CCNY: variants seen among roughly 807,000 people sequenced by gnomAD.
CCNY encodes cyclin-Y.
Under a neutral mutation model 42.8 loss-of-function variants are expected in CCNY, and 19 were observed. That is an observed-to-expected ratio of 0.44 (90% CI 0.31 to 0.65). CCNY has a LOEUF of 0.65. Among genes scored for constraint, CCNY ranks in the 30% least tolerant of loss-of-function variants. CCNY has a pLI of 0.07. For missense variants in CCNY, 370 were observed against 437.3 expected, an observed-to-expected ratio of 0.85 and a Z score of 1.37; for synonymous variants, 165 against 162.7, an observed-to-expected ratio of 1.01 and a Z score of -0.11.
chr10:35,396,530 C>A (rs572376998), intron 1 of CCNY, among the ~76,000 whole-genome samples: 1 of 152,212 alleles, frequency 6.6e-6, no homozygotes, highest in Non-Finnish European at 1.5e-5. Context: ...CAGGGTGCCC[C>A]GATGTTCTCA....
At chr10:35,431,550 A>G (rs1451675726) in intron 1 of CCNY, among the ~76,000 whole-genome samples, 2 of 149,724 alleles carry the variant, frequency 1.3e-5, no homozygotes, top group African/African-American at 2.5e-5. Flanking sequence ...ACAGTCTGTC[A>G]TTGCTCTAAC....
At chr10:35,443,418 G>C (rs1259822624) in intron 1 of CCNY, among the ~76,000 whole-genome samples, 1 of 151,934 alleles carries the variant, frequency 6.6e-6, no homozygotes, top group African/African-American at 2.4e-5. Flanking sequence ...CTGTTTTCTG[G>C]TTTAAAATTT....
intron 3 of CCNY, among the ~76,000 whole-genome samples, chr10:35,508,147 G>A (rs530134150): frequency 6.6e-6 from 1 of 152,092 alleles, no homozygotes; most frequent in Admixed American, 6.5e-5. Context: ...ATTATTTTTG[G>A]TTACAAAATG....
At position 35,457,438 on chromosome 10, in the gene CCNY, C is replaced by T. The variant is rs542506149; in HGVS notation, c.155-25966C>T. ...ATGGGCAGAACTCAGCCCAGGGAGG[C>T]CTTGCCCCTCCGTGTTTCCTGTGTC... On this transcript the variant is annotated intron_variant, in intron 1 of 9. Coordinates refer to ENST00000374704, the MANE Select transcript of CCNY (RefSeq NM_145012.6). Among the ~76,000 whole-genome samples, 161 of 152,302 alleles carry T rather than the reference C, an allele frequency of 1.1e-3. 2 individuals are homozygous for T. Among genetic ancestry groups the T allele is most frequent in the Non-Finnish European group, 1.5e-3 (103 of 68,024 alleles).
intron 1 of CCNY, among the ~76,000 whole-genome samples, chr10:35,423,890 G>C (rs956736612): frequency 3.3e-5 from 5 of 152,316 alleles, no homozygotes; most frequent in Middle Eastern, 3.4e-3. Flanking sequence ...GAAGATAGGG[G>C]TTAGAGAAGA....
intron 1 of CCNY, among the ~76,000 whole-genome samples, chr10:35,385,010 A>G (rs1457554912): frequency 1.3e-5 from 2 of 152,182 alleles, no homozygotes; most frequent in Non-Finnish European, 2.9e-5. Context: ...AGGAACTCAG[A>G]TTAATGCACA....
chr10:35,276,055 C>T (rs796437971), intron 3 of CCNY, among the ~76,000 whole-genome samples: 7 of 152,360 alleles, frequency 4.6e-5, no homozygotes, highest in African/African-American at 1.7e-4. Context: ...CTGCTAAATA[C>T]ATTTGTCATG....
chr10:35,340,003 T>C (rs1352904176), intron 1 of CCNY, among the ~76,000 whole-genome samples: 3 of 152,202 alleles, frequency 2.0e-5, no homozygotes, highest in Non-Finnish European at 4.4e-5. Flanking sequence ...AAAATGATAG[T>C]AATAATTGCA....
chr10:35,254,197 G>A (rs967645811), intron 3 of CCNY, among the ~76,000 whole-genome samples: 2 of 151,986 alleles, frequency 1.3e-5, no homozygotes, highest in East Asian at 1.9e-4. Context: ...GTTTTTTACC[G>A]AAAAGTGAAT....
chr10:35,528,718 C>T (rs1464759892), intron 5 of CCNY, among the ~76,000 whole-genome samples: 2 of 152,072 alleles, frequency 1.3e-5, no homozygotes, highest in South Asian at 2.1e-4. Context: ...AGCAAGACTC[C>T]GTCTCAAAAA....
At chr10:35,519,221 T>A (rs1034155580) in intron 4 of CCNY, among the ~76,000 whole-genome samples, 10 of 152,072 alleles carry the variant, frequency 6.6e-5, no homozygotes, top group Non-Finnish European at 1.5e-4. Flanking sequence ...TGTGGGTATT[T>A]GGATTTGTAA....
chr10:35,436,585 G>A (rs1377933948), intron 1 of CCNY, among the ~76,000 whole-genome samples: 4 of 152,170 alleles, frequency 2.6e-5, no homozygotes, highest in Non-Finnish European at 4.4e-5. Context: ...GAGCTTCGTG[G>A]AAGGACACTG....
chr10:35,343,603 C>T (rs746420162), intron 1 of CCNY, among the ~76,000 whole-genome samples: 1 of 151,874 alleles, frequency 6.6e-6, no homozygotes, highest in Admixed American at 6.6e-5. Context: ...TTGGCCAGGC[C>T]GATCTCAAAC....
Position 35,266,702 on chromosome 10 carries a change from C to T in CCNY, c.-9+16076C>T, listed in dbSNP as rs967047515. Among the ~76,000 whole-genome samples the T allele has an allele frequency of 2.6e-5, 4 of 152,176 alleles. No homozygotes were observed. The South Asian group carries it at 6.2e-4, about 24-fold the overall frequency. On this transcript the variant is annotated intron_variant, in intron 3 of 11. Transcript: ENST00000374706. ...TAGCATCAGGAAGGGTGTCATTAAGCGTTCTTATTTTTTACTTGTATAGAT... is the reference window on the plus strand; with the variant it reads ...TAGCATCAGGAAGGGTGTCATTAAGTGTTCTTATTTTTTACTTGTATAGAT...
At chr10:35,472,545 T>C (rs145651149) in intron 1 of CCNY, among the ~76,000 whole-genome samples, 13 of 152,320 alleles carry the variant, frequency 8.5e-5, no homozygotes, top group African/African-American at 2.4e-4. Flanking sequence ...GTATCCTCAG[T>C]ACCTGTAACT....
At chr10:35,471,397 T>C (rs113805908) in intron 1 of CCNY, among the ~76,000 whole-genome samples, 2,529 of 152,266 alleles carry the variant, frequency 0.017, 65 homozygotes, top group African/African-American at 0.058. Context: ...TAGCTTATGA[T>C]GGCTGCTTTT....
At chr10:35,512,610 C>G (rs940128322) in intron 3 of CCNY, among the ~76,000 whole-genome samples, 2 of 152,006 alleles carry the variant, frequency 1.3e-5, no homozygotes, top group Non-Finnish European at 2.9e-5. Context: ...GGAGGTTGAG[C>G]GAATTCAGAA....
At chr10:35,487,952 C>T (rs1839820464) in intron 2 of CCNY, among the ~76,000 whole-genome samples, 1 of 152,098 alleles carries the variant, frequency 6.6e-6, no homozygotes, top group South Asian at 2.1e-4. Flanking sequence ...CTTTTCTGTA[C>T]TTATTTTAGT....
At chr10:35,353,600 G>T (rs1324170844) in intron 1 of CCNY, among the ~76,000 whole-genome samples, 1 of 152,200 alleles carries the variant, frequency 6.6e-6, no homozygotes, top group Admixed American at 6.5e-5. Flanking sequence ...GCTGCTCCTC[G>T]GCTCCCCAAA....
Sources: gnomAD v4.1 joint callset for allele counts (sites outside exome capture counted in the v4.1 genomes callset) on GRCh38, gnomAD v4.1.1 for gene constraint, MANE v1.5 for transcripts, NCBI Gene and HGNC (gene_info 2026-07-23, HGNC 2026-07-21) for gene names.